NTM: variants seen among roughly 807,000 people sequenced by gnomAD.
NTM encodes the protein neurotrimin, also known as IgLON family member 2.
In NTM, 13 loss-of-function variants were observed where a neutral mutation model predicts 42.1. That is an observed-to-expected ratio of 0.31 (90% CI 0.20 to 0.49). The LOEUF is 0.49. Ranked by LOEUF, NTM falls within the 20% of genes least tolerant of loss-of-function variation. The pLI is 0.99. For synonymous variants in NTM, 187 were observed against 179.2 expected (o/e 1.04, Z -0.35); for missense variants, 373 against 452.8 (o/e 0.82, Z 1.60).
At chr11:132,190,244 A>G (rs1320686783) in intron 3 of NTM, among the ~76,000 whole-genome samples, 1 of 152,196 alleles carries the variant, frequency 6.6e-6, no homozygotes, top group Non-Finnish European at 1.5e-5. Context: ...GTCATGAGCC[A>G]TACTAATAAC....
intron 1 of NTM, among the ~76,000 whole-genome samples, chr11:131,459,995 C>T (rs1472659989): frequency 6.6e-6 from 1 of 151,906 alleles, no homozygotes; most frequent in East Asian, 1.9e-4. Flanking sequence ...GGCTCCGTGG[C>T]AGAACTTAAA....
At chr11:131,590,403 A>G (rs55900391) in intron 1 of NTM, among the ~76,000 whole-genome samples, 5,509 of 152,310 alleles carry the variant, frequency 0.036, 132 homozygotes, top group Middle Eastern at 0.065. Context: ...GAACCAAGCG[A>G]CATGCTGGAA....
intron 2 of NTM, among the ~76,000 whole-genome samples, chr11:131,976,551 C>G (rs1273013843): frequency 6.6e-6 from 1 of 152,154 alleles, no homozygotes; most frequent in Non-Finnish European, 1.5e-5. Context: ...GTTCAACACA[C>G]AGATAATTTA....
intron 1 of NTM, among the ~76,000 whole-genome samples, chr11:131,372,077 C>T (rs1222775079): frequency 2.0e-5 from 3 of 152,190 alleles, no homozygotes; most frequent in South Asian, 2.1e-4. Flanking sequence ...GCTGGCTCTT[C>T]TCCGAGGTTA....
chr11:132,321,979 G>C (rs1279058488), intron 7 of NTM, among the ~76,000 whole-genome samples: 2 of 151,196 alleles, frequency 1.3e-5, no homozygotes, highest in Non-Finnish European at 2.9e-5. Context: ...AGCAAATGCT[G>C]AGAGATTTTG....
chr11:131,886,574 G>A (rs1016415898), intron 1 of NTM, among the ~76,000 whole-genome samples: 1 of 152,218 alleles, frequency 6.6e-6, no homozygotes, highest in African/African-American at 2.4e-5. Context: ...AGAGTAAACT[G>A]TCCATTTGGT....
At chr11:131,658,564 G>C (rs1040557342) in intron 1 of NTM, among the ~76,000 whole-genome samples, 1 of 152,194 alleles carries the variant, frequency 6.6e-6, no homozygotes, top group Non-Finnish European at 1.5e-5. Flanking sequence ...GGCATGCCTT[G>C]CTCTGATTCA....
At chr11:131,755,679 A>G (rs2083238531) in intron 1 of NTM, among the ~76,000 whole-genome samples, 1 of 152,194 alleles carries the variant, frequency 6.6e-6, no homozygotes, top group Non-Finnish European at 1.5e-5. Context: ...TCATGTGTGG[A>G]AGGATTTTCT....
At chr11:131,525,385 A>G (rs2050329753) in intron 1 of NTM, among the ~76,000 whole-genome samples, 1 of 152,194 alleles carries the variant, frequency 6.6e-6, no homozygotes. Flanking sequence ...AGTGGTTGCC[A>G]TAAAGGGTTT....
At chr11:132,145,853 G>A (rs372361310) in intron 2 of NTM, among the ~76,000 whole-genome samples, 1 of 152,078 alleles carries the variant, frequency 6.6e-6, no homozygotes, top group Non-Finnish European at 1.5e-5. Context: ...TGCTCTTCTA[G>A]GCTTTTTCCA....
At chr11:131,762,010 T>C (rs10791162) in intron 1 of NTM, among the ~76,000 whole-genome samples, 43,975 of 152,080 alleles carry the variant, frequency 0.29, 6,791 homozygotes, top group East Asian at 0.41. Flanking sequence ...GCATGGCACC[T>C]TGATCTTGGA....
chr11:131,982,854 CAAAG>C (rs2065469965), intron 2 of NTM, among the ~76,000 whole-genome samples: 1 of 152,116 alleles, frequency 6.6e-6, no homozygotes, highest in Admixed American at 6.5e-5. Flanking sequence ...AGATTTAACA[CAAAG>C]AAAGGACCTG....
chr11:131,791,528 A>C (rs1051144034), intron 1 of NTM, among the ~76,000 whole-genome samples: 2 of 152,206 alleles, frequency 1.3e-5, no homozygotes, highest in Non-Finnish European at 2.9e-5. Context: ...AGGTCAAGCA[A>C]CATAACATCA....
At chr11:131,391,631 G>A (rs1225151984) in intron 1 of NTM, among the ~76,000 whole-genome samples, 2 of 90,524 alleles carry the variant, frequency 2.2e-5, no homozygotes, top group African/African-American at 7.9e-5. Flanking sequence ...TCAGTCAAAT[G>A]ACTTTTATCT....
intron 1 of NTM, chr11:131,794,465 C>T (rs887595086): frequency 1.0e-6 from 1 of 985,014 alleles, no homozygotes; most frequent in Admixed American, 6.1e-5. Context: ...TTTGCCTTTC[C>T]TCCCCACCCG....
At chr11:131,481,941 G>C (rs1177057544) in intron 1 of NTM, among the ~76,000 whole-genome samples, 2 of 152,168 alleles carry the variant, frequency 1.3e-5, no homozygotes, top group Non-Finnish European at 2.9e-5. Context: ...TCATATATGG[G>C]AACCAATGAT....
intron 1 of NTM, among the ~76,000 whole-genome samples, chr11:131,446,445 G>A (rs959562203): frequency 6.6e-6 from 1 of 152,066 alleles, no homozygotes; most frequent in African/African-American, 2.4e-5. Context: ...CAGAGTTTTA[G>A]ACAAACTCTG....
At chr11:132,069,193 C>G (rs1163667268) in intron 2 of NTM, among the ~76,000 whole-genome samples, 1 of 151,870 alleles carries the variant, frequency 6.6e-6, no homozygotes, top group Non-Finnish European at 1.5e-5. Context: ...GCCAAGTTAA[C>G]ACGTCAAACT....
intron 3 of NTM, among the ~76,000 whole-genome samples, chr11:132,184,794 T>C (rs1190998313): frequency 6.6e-6 from 1 of 152,214 alleles, no homozygotes; most frequent in East Asian, 1.9e-4. Context: ...TATTCATTTC[T>C]AGGCAGTTGA....
Sources: allele counts gnomAD v4.1 joint callset (sites outside exome capture counted in the v4.1 genomes callset), GRCh38; gene constraint gnomAD v4.1.1; transcripts MANE v1.5; gene names NCBI Gene and HGNC (gene_info 2026-07-23, HGNC 2026-07-21).